TSPAN10: variants seen among roughly 807,000 people sequenced by gnomAD.
TSPAN10 encodes tetraspanin 10, also known as tetraspanin-10.
A neutral mutation model predicts 15.0 loss-of-function variants in TSPAN10; 11 were observed. The ratio of observed to expected loss-of-function variants is 0.73; its 90% CI spans 0.46 to 1.21. The LOEUF is 1.21. Among genes scored for constraint, TSPAN10 ranks in the 50% most tolerant of loss-of-function variants. The pLI, the probability that TSPAN10 is intolerant of heterozygous loss-of-function variation, is 0.00. For synonymous variants in TSPAN10, 241 were observed against 226.2 expected (o/e 1.07, Z -0.59); for missense variants, 486 against 470.6 (o/e 1.03, Z -0.30).
chr17:81,643,446 C>T (rs1168826584), intron 1 of TSPAN10, among the ~76,000 whole-genome samples: 1 of 85,920 alleles, frequency 1.2e-5, no homozygotes, highest in Non-Finnish European at 2.0e-5. Context: ...CCTGTCTCTA[C>T]TAAAAATACA....
chr17:81,642,995 T>TTATATATATATATATATATATATA (rs71968441), intron 1 of TSPAN10, among the ~76,000 whole-genome samples: 1 of 143,094 alleles, frequency 7.0e-6, no homozygotes, highest in African/African-American at 2.5e-5. Flanking sequence ...CTACAAAATA[T>TTATATATATATATATATATATATA]TATATATATA....
chr17:81,647,012 C>T (rs967814977), intron 2 of TSPAN10, among the ~76,000 whole-genome samples: 6 of 152,048 alleles, frequency 3.9e-5, no homozygotes, highest in South Asian at 2.1e-4. Flanking sequence ...CCAGGACAGA[C>T]GATATGCACT....
chr17:81,638,099 A>G (rs1344926422), upstream of TSPAN10: 1 of 152,066 alleles, frequency 6.6e-6, no homozygotes, highest in Non-Finnish European at 1.5e-5. Flanking sequence ...TATGTTAGTA[A>G]TTGTATTAGT....
chr17:81,637,272 A>G (rs2036112939), exon 1 of TSPAN10: 1 of 545,064 alleles, frequency 1.8e-6, no homozygotes, highest in African/African-American at 2.0e-5. Flanking sequence ...GTCCTCGGAA[A>G]CCCAAGCGGC....
upstream of TSPAN10, among the ~76,000 whole-genome samples, chr17:81,639,678 A>ACGCCTGTCATCCCAGCG (rs1568177475): frequency 2.7e-5 from 4 of 149,738 alleles, no homozygotes; most frequent in African/African-American, 9.8e-5. Flanking sequence ...TCATCCCAGC[A>ACGCCTGTCATCCCAGCG]CGGTGGCTCA....
intron 2 of TSPAN10, among the ~76,000 whole-genome samples, chr17:81,646,840 TGTTG>T (rs145009276): frequency 0.43 from 65,287 of 150,298 alleles, 15,240 homozygotes; most frequent in East Asian, 0.82. Flanking sequence ...GCTGTCTTTT[TGTTG>T]GTTTGTTTGT....
At chr17:81,642,411 G>A, upstream of TSPAN10, 1 of 1,613,500 alleles carries the variant, frequency 6.2e-7, no homozygotes, top group Non-Finnish European at 8.5e-7. Context: ...CCAGCGTCAA[G>A]GATGGAGGAG....
chr17:81,640,956 T>C (rs1248814265), upstream of TSPAN10, among the ~76,000 whole-genome samples: 2 of 151,804 alleles, frequency 1.3e-5, no homozygotes, highest in African/African-American at 2.4e-5. Context: ...GCAGATCACT[T>C]GAGGTCAGGA....
chr17:81,647,863 C>T (rs1318999685), intron 2 of TSPAN10, 38 bp from the exon 4 acceptor site: 1 of 1,576,332 alleles, frequency 6.3e-7, no homozygotes, highest in South Asian at 1.1e-5. Context: ...AAGAGCGGGC[C>T]CTCCCCGCCA....
chr17:81,639,616 G>A (rs867202191), upstream of TSPAN10, among the ~76,000 whole-genome samples: 1 of 151,560 alleles, frequency 6.6e-6, no homozygotes, highest in East Asian at 1.9e-4. Flanking sequence ...CTGGGGTCTT[G>A]GCCGGGCGCG....
At chr17:81,643,220 G>A (rs62075721) in intron 1 of TSPAN10, among the ~76,000 whole-genome samples, 69,181 of 148,780 alleles carry the variant, frequency 0.46, 17,523 homozygotes, top group East Asian at 0.78. Context: ...GGATGGTCTC[G>A]ATCTCCTGAC....
At chr17:81,644,141 G>T (rs948326067) in intron 1 of TSPAN10, among the ~76,000 whole-genome samples, 1 of 151,684 alleles carries the variant, frequency 6.6e-6, no homozygotes, top group African/African-American at 2.4e-5. Flanking sequence ...GAGCCACAAC[G>T]TCCAGCCCGG....
chr17:81,645,367 G>A (rs1293739208), exon 2 of TSPAN10: 5 of 1,594,496 alleles, frequency 3.1e-6, no homozygotes, highest in East Asian at 4.5e-5. Context: ...GAGCCTGGCT[G>A]GCTACCTGGG....
intron 1 of TSPAN10, among the ~76,000 whole-genome samples, chr17:81,643,195 T>C (rs1411330242): frequency 6.7e-6 from 1 of 150,248 alleles, no homozygotes; most frequent in African/African-American, 2.4e-5. Flanking sequence ...AGACAGGGTT[T>C]TACCATGTTG....
upstream of TSPAN10, chr17:81,638,087 A>G (rs1421978082): frequency 4.9e-5 from 2 of 41,198 alleles, no homozygotes; most frequent in Non-Finnish European, 7.7e-5. Context: ...AATTGATTAA[A>G]TTATGTTAGT....
chr17:81,645,812 C>T (rs2036245237), intron 2 of TSPAN10, 183 bp downstream of exon 3: 7 of 779,376 alleles, frequency 9.0e-6, no homozygotes, highest in African/African-American at 3.5e-5. Context: ...ACAGGTTTCA[C>T]GTGTGTGGAC....
At chr17:81,639,620 G>A (rs1237675546), upstream of TSPAN10, among the ~76,000 whole-genome samples, 4 of 151,532 alleles carry the variant, frequency 2.6e-5, no homozygotes, top group Non-Finnish European at 5.9e-5. Flanking sequence ...GGTCTTGGCC[G>A]GGCGCGGTGG....
chr17:81,638,178 G>A (rs1224612675), upstream of TSPAN10: 1 of 152,050 alleles, frequency 6.6e-6, no homozygotes, highest in Admixed American at 6.6e-5. Context: ...TATCAAGACA[G>A]GGGAATTGCA....
downstream of TSPAN10, chr17:81,648,500 C>T (rs929282267): frequency 6.8e-5 from 28 of 412,774 alleles, no homozygotes; most frequent in Non-Finnish European, 9.2e-5. Context: ...GGCGAAGCCA[C>T]GGGACTGGCG....
Sources: allele counts gnomAD v4.1 joint callset (sites outside exome capture counted in the v4.1 genomes callset), GRCh38; gene constraint gnomAD v4.1.1; transcripts MANE v1.5; gene names NCBI Gene and HGNC (gene_info 2026-07-23, HGNC 2026-07-21).